Variants in SORL1 observed in about 807,000 individuals in gnomAD.
The protein encoded by SORL1 is sortilin-related receptor.
In SORL1, 127 loss-of-function variants were observed where a neutral mutation model predicts 273.7. That is an observed-to-expected ratio of 0.46 (90% confidence interval 0.40 to 0.54). SORL1 has a LOEUF of 0.54. SORL1 is among the 20% of genes least tolerant of loss of function. The pLI is 0.00. For missense variants in SORL1, 2,494 were observed against 2,846.1 expected (o/e 0.88, Z 2.81); for synonymous variants, 1,031 against 1,067.4 (o/e 0.97, Z 0.66).
At chr11:121,465,819 G>A (rs952875942) in intron 1 of SORL1, among the ~76,000 whole-genome samples, 2 of 152,142 alleles carry the variant, frequency 1.3e-5, no homozygotes, top group East Asian at 1.9e-4. Context: ...GAACCACCAC[G>A]CCCGGCTGGG....
chr11:121,611,455 A>G (rs893771873), intron 39 of SORL1: 2 of 223,290 alleles, frequency 9.0e-6, no homozygotes, highest in Non-Finnish European at 1.8e-5. Context: ...CAGAATATGT[A>G]TGCCCTGTAA....
chr11:121,496,917 T>G lies in SORL1; in HGVS notation c.807T>G (p.His269Gln), dbSNP rs12364988. 6.2e-7 allele frequency: 1 copy of G among 1,613,258 alleles called. No homozygotes were observed. The highest frequency in any genetic ancestry group is 8.5e-7 in the Non-Finnish European group (1 of 1,179,744). ...CAAATACCATCTACATTGAACGACA[T>G]GAACCCTCTGGCTACTCCACTGTCT... The part of the protein sequence containing the change: ...DKPNTIYIER[H>Q]EPSGYSTVFR... The change falls in exon 6 of 48, where the codon CAT (histidine) becomes CAG (glutamine). Residue 269 changes from histidine (H) to glutamine (Q), a missense_variant. This residue lies in a region of SORL1 where 710 missense variants were observed against 882.5 expected (regional missense o/e 0.80). Transcript: ENST00000260197.
intron 37 of SORL1, 52 bp from the exon 38 acceptor site, chr11:121,608,052 T>G: frequency 1.4e-6 from 2 of 1,468,290 alleles, no homozygotes; most frequent in Non-Finnish European, 1.9e-6. Flanking sequence ...TACTGTATGG[T>G]GTATGGTGTA....
rs188117368 is a variant in SORL1 at position 121,555,755 on chromosome 11, A to T, written c.2571+437A>T. 8.7e-4 allele frequency among the ~76,000 whole-genome samples: 132 copies of T among 152,296 alleles called. 1 individual carries two copies. Among genetic ancestry groups the T allele is most frequent in the African/African-American group, 3.1e-3 (130 of 41,540 alleles). ...TGATAGCAACAATATCATCATCATC[A>T]TCATCATTGCCACTGTTATTAATCC... On this transcript the variant is annotated intron_variant, in intron 18 of 47. Coordinates refer to ENST00000260197, the MANE Select transcript of SORL1 (RefSeq NM_003105.6).
At chr11:121,585,749 G>C (rs981080841) in intron 26 of SORL1, among the ~76,000 whole-genome samples, 4 of 151,824 alleles carry the variant, frequency 2.6e-5, no homozygotes, top group Admixed American at 6.6e-5. Flanking sequence ...TTAACTTTGC[G>C]TATTGTTTTG....
At chr11:121,525,170 G>T (rs749164410) in intron 11 of SORL1, among the ~76,000 whole-genome samples, 7 of 152,136 alleles carry the variant, frequency 4.6e-5, no homozygotes, top group Non-Finnish European at 1.0e-4. Context: ...GCATTTTCTA[G>T]AATAGGTTAT....
intron 40 of SORL1, among the ~76,000 whole-genome samples, chr11:121,613,178 C>T (rs1215329434): frequency 6.6e-6 from 1 of 152,184 alleles, no homozygotes; most frequent in African/African-American, 2.4e-5. Flanking sequence ...ACCTGTCTGT[C>T]CTTTCTAGTC....
intron 45 of SORL1, 94 bp downstream of exon 45, chr11:121,622,362 G>T (rs560817954): frequency 2.6e-5 from 13 of 503,146 alleles, no homozygotes; most frequent in South Asian, 2.2e-4. Context: ...CATAGATAGT[G>T]TAAAAAAAAA....
At chr11:121,619,718 G>T in intron 42 of SORL1, 35 bp from the exon 43 acceptor site, 2 of 1,553,504 alleles carry the variant, frequency 1.3e-6, no homozygotes, top group Middle Eastern at 1.7e-4. Context: ...AGGCCATGAT[G>T]TATTTTTTTT....
At chr11:121,584,650 A>AGTAT (rs1489794998) in intron 26 of SORL1, among the ~76,000 whole-genome samples, 1 of 151,852 alleles carries the variant, frequency 6.6e-6, no homozygotes, top group Non-Finnish European at 1.5e-5. Context: ...GGAGTATAGT[A>AGTAT]GTATGATTGT....
intron 24 of SORL1, among the ~76,000 whole-genome samples, chr11:121,575,994 C>G (rs1158812571): frequency 1.3e-5 from 2 of 152,168 alleles, no homozygotes; most frequent in African/African-American, 4.8e-5. Context: ...AGTTTCCACA[C>G]TCTTCCTCAA....
chr11:121,469,900 C>T, intron 1 of SORL1, 107 bp from the exon 2 acceptor site: 1 of 845,520 alleles, frequency 1.2e-6, no homozygotes, highest in Non-Finnish European at 2.0e-6. Context: ...CTTTAGATGG[C>T]AGAATCTTCA....
chr11:121,557,805 A>G (rs569947455), intron 19 of SORL1, among the ~76,000 whole-genome samples: 1 of 152,350 alleles, frequency 6.6e-6, no homozygotes, highest in South Asian at 2.1e-4. Flanking sequence ...CTTACGTACA[A>G]TCAGTGTGCA....
At chr11:121,508,697 G>C (rs900015312) in intron 6 of SORL1, among the ~76,000 whole-genome samples, 1 of 152,212 alleles carries the variant, frequency 6.6e-6, no homozygotes, top group Non-Finnish European at 1.5e-5. Context: ...GCTAGAGAGA[G>C]GGGGATGGGA....
intron 11 of SORL1, among the ~76,000 whole-genome samples, chr11:121,525,115 A>G (rs1477222821): frequency 6.6e-6 from 1 of 152,126 alleles, no homozygotes; most frequent in Non-Finnish European, 1.5e-5. Flanking sequence ...TCGGTAATCC[A>G]TCCCACTCTC....
intron 45 of SORL1, among the ~76,000 whole-genome samples, chr11:121,624,472 C>A (rs1362387933): frequency 2.0e-5 from 3 of 152,178 alleles, no homozygotes; most frequent in Admixed American, 2.0e-4. Context: ...GAAGACATTT[C>A]ATCCTCTCCT....
At chr11:121,574,169 C>T (rs1046684905) in intron 23 of SORL1, 72 bp from the exon 24 acceptor site, 1 of 1,464,946 alleles carries the variant, frequency 6.8e-7, no homozygotes, top group Non-Finnish European at 9.5e-7. Context: ...AATTGGTTTT[C>T]CAGTAGGATG....
rs746225458 is a variant in SORL1, at chr11:121,570,150, T to G, written c.3224-7T>G. 1 of 1,601,870 alleles carries G rather than the reference T, an allele frequency of 6.2e-7. No individual in the cohort carries two copies. The highest frequency in any genetic ancestry group is 2.2e-5 in the East Asian group (1 of 44,796). On this transcript the variant is annotated splice_polypyrimidine_tract_variant and splice_region_variant and intron_variant, in intron 22 of 47. Transcript: ENST00000260197. ...CATTTCCTCCCCTGCCGCACTCTGA[T>G]GGGTAGAGAACACCTGTCTTCGCAA...
intron 46 of SORL1, among the ~76,000 whole-genome samples, chr11:121,625,704 C>T (rs186821052): frequency 2.7e-4 from 41 of 152,158 alleles, no homozygotes; most frequent in African/African-American, 8.9e-4. Flanking sequence ...ACCTCTGCCC[C>T]GCCCCGGCTT....
Sources: allele counts gnomAD v4.1 joint callset (sites outside exome capture counted in the v4.1 genomes callset), GRCh38; gene constraint gnomAD v4.1.1; regional missense constraint gnomAD v4.1.1; transcripts MANE v1.5; gene names NCBI Gene and HGNC (gene_info 2026-07-23, HGNC 2026-07-21).